PTPRT: variants seen among roughly 807,000 people sequenced by gnomAD.
PTPRT encodes protein tyrosine phosphatase receptor type T.
In PTPRT, 56 loss-of-function variants were observed where a neutral mutation model predicts 176.8. That is an observed-to-expected ratio of 0.32 (90% CI 0.26 to 0.40). The LOEUF is 0.40. PTPRT is among the 10% of genes least tolerant of loss of function. The probability of loss-of-function intolerance (pLI) is 1.00; values close to 1 mark genes in which losing one functional copy is unlikely to be tolerated. For synonymous variants in PTPRT, 783 were observed against 739.0 expected (o/e 1.06, Z -0.96); for missense variants, 1,540 against 1,908.2 (o/e 0.81, Z 3.60).
chr20:42,865,773 G>A (rs146874775), intron 2 of PTPRT, among the ~76,000 whole-genome samples: 59 of 152,256 alleles, frequency 3.9e-4, no homozygotes, highest in African/African-American at 1.4e-3. Context: ...GGTGTCCCAG[G>A]GTGCCAATTC....
In PTPRT at chr20:42,134,221, G is replaced by A. The variant is rs764917786; in HGVS notation, c.2771-5391C>T. 3.3e-5 allele frequency among the ~76,000 whole-genome samples: 5 copies of A among 152,178 alleles called. No individual in the cohort carries two copies. The South Asian group carries it at 8.3e-4, about 25-fold the overall frequency. ...ACATGCACATGGAGAAAGATGGGGC[G>A]GCAGGCGATGTGAAGGCGTTTATAC... On this transcript the variant is annotated intron_variant, in intron 18 of 30. Transcript: ENST00000373187.
intron 2 of PTPRT, among the ~76,000 whole-genome samples, chr20:42,846,559 C>T (rs2078375934): frequency 6.6e-6 from 1 of 152,192 alleles, no homozygotes; most frequent in Admixed American, 6.5e-5. Flanking sequence ...GGCACTCTTG[C>T]TTAATACAAA....
chr20:42,891,535 T>C (rs1196294429), intron 1 of PTPRT, among the ~76,000 whole-genome samples: 1 of 152,196 alleles, frequency 6.6e-6, no homozygotes, highest in Non-Finnish European at 1.5e-5. Context: ...GTAAGGGAAG[T>C]AAAAATAGTG....
chr20:43,135,370 A>G (rs1229091911), intron 1 of PTPRT, among the ~76,000 whole-genome samples: 1 of 152,218 alleles, frequency 6.6e-6, no homozygotes, highest in African/African-American at 2.4e-5. Flanking sequence ...TGTTCATGAT[A>G]GTATGTGGGG....
intron 2 of PTPRT, among the ~76,000 whole-genome samples, chr20:42,797,670 T>A (rs1033163589): frequency 1.3e-5 from 2 of 152,146 alleles, no homozygotes; most frequent in South Asian, 4.1e-4. Context: ...AAGGTTCAGA[T>A]GGAATTAAGG....
At chr20:42,089,136 TGTC>T (rs1228746397) in intron 27 of PTPRT, among the ~76,000 whole-genome samples, 1 of 151,384 alleles carries the variant, frequency 6.6e-6, no homozygotes, top group East Asian at 1.9e-4. Context: ...GTGTGTGTCT[TGTC>T]GGGCGCTGGT....
At chr20:42,574,156 C>T (rs563679193) in intron 7 of PTPRT, among the ~76,000 whole-genome samples, 1 of 152,246 alleles carries the variant, frequency 6.6e-6, no homozygotes, top group Admixed American at 6.5e-5. Context: ...TTTGACATTT[C>T]CGGTTGGAGG....
intron 1 of PTPRT, among the ~76,000 whole-genome samples, chr20:43,151,883 A>G (rs2064411679): frequency 6.6e-6 from 1 of 152,040 alleles, no homozygotes; most frequent in Non-Finnish European, 1.5e-5. Context: ...AAAAGAAACC[A>G]AGAACTTGAA....
intron 1 of PTPRT, among the ~76,000 whole-genome samples, chr20:43,100,904 T>C (rs2012370814): frequency 6.6e-6 from 1 of 151,588 alleles, no homozygotes; most frequent in Non-Finnish European, 1.5e-5. Context: ...GGCTGTGTGT[T>C]GGGATGGCAT....
At chr20:42,786,767 A>G (rs930148344) in intron 3 of PTPRT, among the ~76,000 whole-genome samples, 1 of 152,216 alleles carries the variant, frequency 6.6e-6, no homozygotes, top group Non-Finnish European at 1.5e-5. Context: ...TTAAAGGCTC[A>G]CTGACCGTGC....
chr20:42,676,777 A>G (rs2075512051), intron 7 of PTPRT, among the ~76,000 whole-genome samples: 1 of 152,238 alleles, frequency 6.6e-6, no homozygotes, highest in Admixed American at 6.5e-5. Flanking sequence ...GGTAATTTGC[A>G]ACAAATAAAG....
intron 7 of PTPRT, among the ~76,000 whole-genome samples, chr20:42,639,388 G>A (rs1360883784): frequency 6.6e-6 from 1 of 152,104 alleles, no homozygotes; most frequent in East Asian, 1.9e-4. Context: ...ACTTGAATTT[G>A]AAACCAGAGC....
intron 1 of PTPRT, among the ~76,000 whole-genome samples, chr20:43,078,041 C>A (rs2011326070): frequency 6.6e-6 from 1 of 152,148 alleles, no homozygotes; most frequent in South Asian, 2.1e-4. Context: ...GCACCCAATG[C>A]CATTATAATT....
At chr20:43,079,433 T>C (rs1039191422) in intron 1 of PTPRT, among the ~76,000 whole-genome samples, 1 of 152,142 alleles carries the variant, frequency 6.6e-6, no homozygotes, top group Non-Finnish European at 1.5e-5. Flanking sequence ...CAAATCCCTC[T>C]GGAAATGCTG....
intron 8 of PTPRT, among the ~76,000 whole-genome samples, chr20:42,457,488 T>C (rs1194656690): frequency 6.6e-6 from 1 of 152,220 alleles, no homozygotes; most frequent in Non-Finnish European, 1.5e-5. Context: ...AATGAAAGCA[T>C]TTTTAAAAAT....
chr20:42,377,616 T>G (rs2058663910), intron 9 of PTPRT, among the ~76,000 whole-genome samples: 1 of 152,202 alleles, frequency 6.6e-6, no homozygotes, highest in Non-Finnish European at 1.5e-5. Context: ...CTGCAAGCTC[T>G]TTGTCTCAAT....
intron 16 of PTPRT, among the ~76,000 whole-genome samples, chr20:42,169,286 CATGGGAAA>C (rs1242492981): frequency 6.6e-6 from 1 of 152,044 alleles, no homozygotes; most frequent in Admixed American, 6.6e-5. Context: ...TGGGAACAGT[CATGGGAAA>C]ATGCTTCTAG....
chr20:42,990,855 G>T, intron 1 of PTPRT, among the ~76,000 whole-genome samples: 1 of 152,172 alleles, frequency 6.6e-6, no homozygotes, highest in East Asian at 1.9e-4. Flanking sequence ...AGTTTGCAGA[G>T]TTAGATAATT....
intron 9 of PTPRT, among the ~76,000 whole-genome samples, chr20:42,432,783 A>G (rs1042336089): frequency 3.3e-5 from 5 of 152,198 alleles, no homozygotes. Context: ...GAATCCACCT[A>G]TAACATATAA....
Sources: allele counts gnomAD v4.1 joint callset (sites outside exome capture counted in the v4.1 genomes callset), GRCh38; gene constraint gnomAD v4.1.1; transcripts MANE v1.5; gene names NCBI Gene and HGNC (gene_info 2026-07-23, HGNC 2026-07-21).